ACTL8: variants seen among roughly 807,000 people sequenced by gnomAD.
ACTL8 encodes the protein actin like 8.
A neutral mutation model predicts 9.3 loss-of-function variants in ACTL8; 3 were observed. That is an observed-to-expected ratio of 0.32 (90% CI 0.15 to 0.83). ACTL8 has a LOEUF of 0.83. ACTL8 is among the 40% of genes least tolerant of loss of function. The pLI, the probability that ACTL8 is intolerant of heterozygous loss-of-function variation, is 0.57. For synonymous variants in ACTL8, 224 were observed against 205.9 expected (o/e 1.09, Z -0.75); for missense variants, 381 against 492.2 (o/e 0.77, Z 2.14).
intron 1 of ACTL8, among the ~76,000 whole-genome samples, chr1:17,763,894 T>C (rs1161089328): frequency 6.6e-6 from 1 of 152,194 alleles, no homozygotes; most frequent in East Asian, 1.9e-4. Flanking sequence ...AGCTCCATGC[T>C]TTACCGGCTG....
intron 1 of ACTL8, among the ~76,000 whole-genome samples, chr1:17,771,343 C>T (rs752834283): frequency 4.6e-5 from 7 of 151,940 alleles, no homozygotes; most frequent in South Asian, 2.1e-4. Flanking sequence ...TCTTGGCTCT[C>T]GGGCCATATA....
chr1:17,759,071 C>T (rs1237193561), intron 1 of ACTL8, among the ~76,000 whole-genome samples: 10 of 152,174 alleles, frequency 6.6e-5, no homozygotes, highest in Non-Finnish European at 1.5e-4. Context: ...GATAGAAATA[C>T]GCAGTTGTGT....
At chr1:17,762,071 T>TA (rs1218142051) in intron 1 of ACTL8, among the ~76,000 whole-genome samples, 3 of 152,006 alleles carry the variant, frequency 2.0e-5, no homozygotes, top group Non-Finnish European at 2.9e-5. Context: ...TTACTCAAGA[T>TA]ACTGAGAACA....
At position 17,826,283 on chromosome 1, in the gene ACTL8, C is replaced by T. The variant is rs762392628; in HGVS notation, c.865C>T (p.Pro289Ser). The change falls in exon 3 of 3, where the codon CCC (proline) becomes TCC (serine). Residue 289 changes from proline (P) to serine (S), a missense_variant. Pro to Ser is a moderately conservative substitution (Grantham distance 74, BLOSUM62 -1). This residue lies in a region of ACTL8 where 243 missense variants were observed against 276.2 expected (regional missense o/e 0.88). Transcript: ENST00000375406. The surrounding 1 kb of genome is among the most constrained non-coding windows in gnomAD (Gnocchi z 4.5). ...GGAGTCCTGCGAGATCTCCCTGCGC[C>T]CCCTGCTGGTCTCCCACGTGATGGC... ...SVESCEISLR[P>S]LLVSHVMACG... is the part of the protein sequence containing the mutation. 5 of 1,611,166 alleles carry T rather than the reference C, an allele frequency of 3.1e-6. No homozygotes were observed. Among genetic ancestry groups the T allele is most frequent in the East Asian group, 2.2e-5 (1 of 44,764 alleles).
intron 1 of ACTL8, among the ~76,000 whole-genome samples, chr1:17,768,612 T>C (rs1429969555): frequency 1.3e-5 from 2 of 152,172 alleles, no homozygotes; most frequent in African/African-American, 4.8e-5. Context: ...CGGGCTGGGC[T>C]CAGAGTGCAG....
intron 1 of ACTL8, among the ~76,000 whole-genome samples, chr1:17,763,590 T>C (rs2066022921): frequency 1.3e-5 from 2 of 152,268 alleles, no homozygotes. Context: ...CAGATCCCCC[T>C]GCTGGCTCCA....
chr1:17,800,583 C>CTTTTTTTTTTTTTTTTTTT lies in ACTL8; in HGVS notation c.-24-22393_-24-22375dup, dbSNP rs59143238. ...CAAACTTCCTTGCCTTGGTGTCAAT[C>CTTTTTTTTTTTTTTTTTTT]TTTTTTTTTTTTTTTTTTTTTTTTT... On this transcript the variant is annotated intron_variant, in intron 1 of 2. Coordinates refer to ENST00000375406, the MANE Select transcript of ACTL8 (RefSeq NM_030812.3). 2.5e-4 allele frequency among the ~76,000 whole-genome samples: 17 copies of CTTTTTTTTTTTTTTTTTTT among 69,156 alleles called. 3 individuals are homozygous for CTTTTTTTTTTTTTTTTTTT. Among genetic ancestry groups the CTTTTTTTTTTTTTTTTTTT allele is most frequent in the African/African-American group, 9.0e-4 (14 of 15,486 alleles). The allele number at this position is 69,156 out of a possible 152,430, so 45.4% of individuals were successfully genotyped here.
chr1:17,797,596 C>T (rs1331373595), intron 1 of ACTL8, among the ~76,000 whole-genome samples: 1 of 152,200 alleles, frequency 6.6e-6, no homozygotes, highest in East Asian at 1.9e-4. Flanking sequence ...TCAAGCTTGA[C>T]CAATAATCAG....
At chr1:17,802,132 A>G (rs751161108) in intron 1 of ACTL8, among the ~76,000 whole-genome samples, 1 of 152,226 alleles carries the variant, frequency 6.6e-6, no homozygotes, top group Non-Finnish European at 1.5e-5. Context: ...CAGGAGTGCT[A>G]ACAGGAAGAT....
At chr1:17,790,706 C>A (rs1281192921) in intron 1 of ACTL8, among the ~76,000 whole-genome samples, 1 of 152,200 alleles carries the variant, frequency 6.6e-6, no homozygotes, top group African/African-American at 2.4e-5. Context: ...AGGGACCCAC[C>A]CCCTTCTACC....
intron 1 of ACTL8, among the ~76,000 whole-genome samples, chr1:17,790,732 C>T (rs80133511): frequency 0.04 from 6,037 of 152,346 alleles, 410 homozygotes; most frequent in African/African-American, 0.14. Context: ...AACTGTCTGC[C>T]TCCTGCTGCT....
At chr1:17,756,881 G>T (rs995705524) in intron 1 of ACTL8, among the ~76,000 whole-genome samples, 2 of 152,188 alleles carry the variant, frequency 1.3e-5, no homozygotes, top group Non-Finnish European at 2.9e-5. Flanking sequence ...TGGCCATAAT[G>T]AGGACTGTGA....
At chr1:17,758,197 T>C (rs540465193) in intron 1 of ACTL8, among the ~76,000 whole-genome samples, 26 of 152,258 alleles carry the variant, frequency 1.7e-4, no homozygotes, top group Middle Eastern at 3.4e-3. Flanking sequence ...AAGGGGGTCC[T>C]GGAGTAGCAG....
At chr1:17,805,382 T>TC (rs1294968606) in intron 1 of ACTL8, among the ~76,000 whole-genome samples, 21 of 37,578 alleles carry the variant, frequency 5.6e-4, no homozygotes, top group South Asian at 1.3e-3. Context: ...TTTTTCTTTT[T>TC]TTTTTTTTTT....
At position 17,826,459 on chromosome 1, in the gene ACTL8, T is replaced by C. The variant is rs140691098; in HGVS notation, c.1041T>C (p.Leu347=). The change falls in exon 3 of 3, where the codon CTT becomes CTC. Residue 347 remains leucine (L), a synonymous_variant. Coordinates refer to ENST00000375406, the MANE Select transcript of ACTL8 (RefSeq NM_030812.3). The surrounding 1 kb of genome is among the most constrained non-coding windows in gnomAD (Gnocchi z 4.5). ...VWLGASVVAH[L]STYQSEWMSR... is the part of the protein sequence containing the mutation. The stretch of plus-strand genomic sequence containing the variant: ...TAGGAGCGTCCGTGGTGGCTCACCT[T>C]TCTACCTACCAGTCTGAGTGGATGT... The C allele has an allele frequency of 3.1e-6, 5 of 1,612,000 alleles. No individual in the cohort carries two copies. The highest frequency in any genetic ancestry group is 3.4e-6 in the Non-Finnish European group (4 of 1,178,734).
chr1:17,790,814 C>T (rs2102687625), intron 1 of ACTL8, among the ~76,000 whole-genome samples: 1 of 152,360 alleles, frequency 6.6e-6, no homozygotes, highest in Admixed American at 6.5e-5. Flanking sequence ...TTAGCCCTCC[C>T]TTGGCTTCCC....
chr1:17,816,200 CTTTT>C (rs34383884), intron 1 of ACTL8, among the ~76,000 whole-genome samples: 17 of 139,594 alleles, frequency 1.2e-4, no homozygotes, highest in African/African-American at 4.6e-4. Context: ...ATATTAATAG[CTTTT>C]TTTTTTTTTT....
chr1:17,795,760 G>T (rs968029005), intron 1 of ACTL8, among the ~76,000 whole-genome samples: 1 of 152,174 alleles, frequency 6.6e-6, no homozygotes, highest in African/African-American at 2.4e-5. Flanking sequence ...GACCTCCCGT[G>T]CCGTTTGATT....
At position 17,755,346 on chromosome 1, in the gene ACTL8, C is replaced by A. The variant is rs1261156498; in HGVS notation, c.-183C>A. Reference sequence around the variant, plus strand: ...TGCCACGTGCTCACAGAGTAGGCTGCGGCACCACGTGCAGCCGCTCTCGTG... The same window carrying A: ...TGCCACGTGCTCACAGAGTAGGCTGAGGCACCACGTGCAGCCGCTCTCGTG... On this transcript the variant is annotated 5_prime_UTR_variant, in exon 1 of 3. Coordinates refer to ENST00000375406, the MANE Select transcript of ACTL8 (RefSeq NM_030812.3). The A allele has an allele frequency of 1.3e-5, 2 of 152,170 alleles. No homozygotes were observed. The highest frequency in any genetic ancestry group is 2.9e-5 in the Non-Finnish European group (2 of 68,038). 9.4% of individuals were successfully genotyped at this position (152,170 alleles called of 1,614,324 possible). A position where few individuals can be genotyped will look rare whatever the true frequency, so the allele number is the denominator to read the frequency against.
Sources: allele counts gnomAD v4.1 joint callset (sites outside exome capture counted in the v4.1 genomes callset), GRCh38; gene constraint gnomAD v4.1.1; regional missense constraint gnomAD v4.1.1; non-coding constraint Gnocchi (gnomAD v3.1); transcripts MANE v1.5; gene names NCBI Gene and HGNC (gene_info 2026-07-23, HGNC 2026-07-21).